PPARG: variants seen among roughly 807,000 people sequenced by gnomAD.
PPARG encodes peroxisome proliferator-activated receptor gamma.
Under a neutral mutation model 39.2 loss-of-function variants are expected in PPARG, and 17 were observed. That is an observed-to-expected ratio of 0.43 (90% CI 0.30 to 0.65). PPARG has a LOEUF of 0.65. PPARG is among the 30% of genes least tolerant of loss of function. The probability of loss-of-function intolerance (pLI) is 0.13; values close to 1 mark genes in which losing one functional copy is unlikely to be tolerated. For missense variants in PPARG, 406 were observed against 585.9 expected (o/e 0.69, Z 3.17); for synonymous variants, 223 against 215.7 (o/e 1.03, Z -0.30).
Position 12,322,672 on chromosome 3 carries a change from C to T in PPARG, c.-9+10219C>T, listed in dbSNP as rs191288050. Among the ~76,000 whole-genome samples the T allele has an allele frequency of 1.1e-4, 16 of 152,234 alleles. No homozygotes were observed. The East Asian group carries it at 2.9e-3, about 28-fold the overall frequency. On this transcript the variant is annotated intron_variant, in intron 2 of 7. Transcript: ENST00000651735. ...AGAATTTCAAGCTATCAAAAGATAT[C>T]AAAGATTGAGGAATTTGGACTTGGT...
At chr3:12,402,159 G>A (rs4135274) in intron 5 of PPARG, among the ~76,000 whole-genome samples, 1 of 152,058 alleles carries the variant, frequency 6.6e-6, no homozygotes, top group East Asian at 1.9e-4. Flanking sequence ...CATGCCTGGC[G>A]CACAATAGTC....
At chr3:12,333,856 C>G (rs929740907) in intron 2 of PPARG, among the ~76,000 whole-genome samples, 8 of 152,142 alleles carry the variant, frequency 5.3e-5, no homozygotes, top group Non-Finnish European at 1.2e-4. Flanking sequence ...TTCAAAAGGC[C>G]GTACTCTTAG....
intron 4 of PPARG, among the ~76,000 whole-genome samples, chr3:12,381,924 A>C (rs1312926605): frequency 3.9e-5 from 6 of 152,076 alleles, no homozygotes; most frequent in Non-Finnish European, 8.8e-5. Flanking sequence ...TTGTTTATTT[A>C]TTTATTTATT....
At chr3:12,319,461 G>C (rs1318400816) in intron 2 of PPARG, among the ~76,000 whole-genome samples, 1 of 152,070 alleles carries the variant, frequency 6.6e-6, no homozygotes, top group East Asian at 1.9e-4. Context: ...ATATACAGAA[G>C]TAACCACTAA....
intron 4 of PPARG, among the ~76,000 whole-genome samples, chr3:12,384,202 A>C (rs2049788685): frequency 6.6e-6 from 1 of 152,134 alleles, no homozygotes; most frequent in Non-Finnish European, 1.5e-5. Context: ...TATAAAGAAA[A>C]TATGTGAATC....
intron 2 of PPARG, among the ~76,000 whole-genome samples, chr3:12,328,964 A>G (rs745870519): frequency 2.0e-5 from 3 of 152,196 alleles, no homozygotes; most frequent in African/African-American, 4.8e-5. Flanking sequence ...TTTGGCCAAT[A>G]TCATAAGATG....
intron 5 of PPARG, among the ~76,000 whole-genome samples, chr3:12,398,858 G>C (rs1483722482): frequency 6.6e-6 from 1 of 152,224 alleles, no homozygotes; most frequent in African/African-American, 2.4e-5. Flanking sequence ...TGAGCGCAAA[G>C]CTAGACTGCA....
intron 5 of PPARG, among the ~76,000 whole-genome samples, chr3:12,394,287 A>G (rs962472414): frequency 1.3e-5 from 2 of 152,240 alleles, no homozygotes; most frequent in African/African-American, 4.8e-5. Flanking sequence ...ACATTCATGT[A>G]AAATATAATT....
At chr3:12,377,856 G>A (rs1175185861) in intron 2 of PPARG, among the ~76,000 whole-genome samples, 1 of 152,078 alleles carries the variant, frequency 6.6e-6, no homozygotes, top group Non-Finnish European at 1.5e-5. Context: ...ATGAAGTTAT[G>A]GATTGCAAAT....
chr3:12,320,154 A>G (rs1481450118), intron 2 of PPARG, among the ~76,000 whole-genome samples: 1 of 152,224 alleles, frequency 6.6e-6, no homozygotes, highest in African/African-American at 2.4e-5. Context: ...CCTAGCACGT[A>G]GTAACTAACC....
At chr3:12,328,711 C>T (rs1430568518) in intron 2 of PPARG, among the ~76,000 whole-genome samples, 1 of 152,228 alleles carries the variant, frequency 6.6e-6, no homozygotes, top group African/African-American at 2.4e-5. Flanking sequence ...CCCTTCCTTT[C>T]TTGGGGGATG....
intron 1 of PPARG, among the ~76,000 whole-genome samples, chr3:12,307,823 AT>A (rs1172976787): frequency 6.6e-6 from 1 of 152,176 alleles, no homozygotes; most frequent in African/African-American, 2.4e-5. Flanking sequence ...ATTTCTTTTA[AT>A]TTTGCAGAGA....
chr3:12,308,361 AAAAAAAAAAG>A (rs1476874844), intron 1 of PPARG, among the ~76,000 whole-genome samples: 68 of 150,072 alleles, frequency 4.5e-4, no homozygotes, highest in African/African-American at 1.5e-3. Context: ...AAAAAAAAAA[AAAAAAAAAAG>A]GGAGAAACTG....
At chr3:12,393,223 T>A (rs2050143675) in intron 5 of PPARG, among the ~76,000 whole-genome samples, 1 of 149,498 alleles carries the variant, frequency 6.7e-6, no homozygotes, top group African/African-American at 2.5e-5. Flanking sequence ...TTGCTGTTTA[T>A]TATGCAAAGA....
chr3:12,339,235 T>C (rs2048104327), intron 2 of PPARG, among the ~76,000 whole-genome samples: 1 of 152,176 alleles, frequency 6.6e-6, no homozygotes, highest in Admixed American at 6.5e-5. Flanking sequence ...TCCATTTATC[T>C]GAAATGTCTA....
intron 5 of PPARG, among the ~76,000 whole-genome samples, chr3:12,395,802 A>G (rs2050237078): frequency 6.6e-6 from 1 of 152,222 alleles, no homozygotes; most frequent in African/African-American, 2.4e-5. Flanking sequence ...TCTCAAGCAC[A>G]ATCAATTCAC....
Position 12,434,290 on chromosome 3 carries a change from T to C in PPARG, c.*145T>C, listed in dbSNP as rs1462019934. On this transcript the variant is annotated 3_prime_UTR_variant, in exon 8 of 8. Coordinates refer to ENST00000651735, the MANE Select transcript of PPARG (RefSeq NM_138711.6). The surrounding 1 kb of genome is among the most constrained non-coding windows in gnomAD (Gnocchi z 4.2). Reference sequence around the variant, plus strand: ...TATGATCTATTTTATGCATATTGTTTATAAAGACACATTTACAATTTACTT... The same window carrying C: ...TATGATCTATTTTATGCATATTGTTCATAAAGACACATTTACAATTTACTT... The C allele has an allele frequency of 9.7e-7, 1 of 1,033,190 alleles. No homozygotes were observed. Among genetic ancestry groups the C allele is most frequent in the East Asian group, 2.6e-5 (1 of 38,368 alleles). 64.0% of individuals were successfully genotyped at this position (1,033,190 alleles called of 1,614,324 possible).
chr3:12,304,472 C>G (rs17793693), intron 1 of PPARG, among the ~76,000 whole-genome samples: 4 of 152,068 alleles, frequency 2.6e-5, no homozygotes, highest in Non-Finnish European at 5.9e-5. Flanking sequence ...ATGTTTTTAA[C>G]TCAAAGGACA....
At position 12,398,093 on chromosome 3, in the gene PPARG, A is replaced by G. The variant is rs193203191; in HGVS notation, c.529+5341A>G. 3.0e-4 allele frequency among the ~76,000 whole-genome samples: 45 copies of G among 151,906 alleles called. 1 individual carries two copies. The highest frequency in any genetic ancestry group is 5.8e-4 in the African/African-American group (24 of 41,420). ...TCTGATTCCCTGCTCTTCCTTTTCT[A>G]TGTGTTTCATACCTTCCTGTGATAT... On this transcript the variant is annotated intron_variant, in intron 5 of 7. Transcript: ENST00000651735.
Sources: allele counts gnomAD v4.1 joint callset (sites outside exome capture counted in the v4.1 genomes callset), GRCh38; gene constraint gnomAD v4.1.1; non-coding constraint Gnocchi (gnomAD v3.1); transcripts MANE v1.5; gene names NCBI Gene and HGNC (gene_info 2026-07-23, HGNC 2026-07-21).